The following AGBL1 variants were observed in gnomAD, a reference collection of about 807,000 sequenced individuals.
AGBL1 encodes the protein cytosolic carboxypeptidase 4.
A neutral mutation model predicts 118.9 loss-of-function variants in AGBL1; 130 were observed. The observed-to-expected ratio is 1.09, with a 90% CI of 0.95 to 1.26. The LOEUF is 1.26. AGBL1 is among the 50% of genes most tolerant of loss of function. The pLI is 0.00. For missense variants in AGBL1, 1,584 were observed against 1,298.1 expected, an observed-to-expected ratio of 1.22 and a Z score of -3.38; for synonymous variants, 555 against 478.9, an observed-to-expected ratio of 1.16 and a Z score of -2.08.
At chr15:86,317,596 T>C (rs1171104824) in intron 17 of AGBL1, among the ~76,000 whole-genome samples, 1 of 152,188 alleles carries the variant, frequency 6.6e-6, no homozygotes, top group African/African-American at 2.4e-5. Context: ...GCCAGGGCTG[T>C]GAAGCAAGTC....
At chr15:86,450,378 C>G (rs2082178437) in intron 18 of AGBL1, among the ~76,000 whole-genome samples, 1 of 152,044 alleles carries the variant, frequency 6.6e-6, no homozygotes, top group Admixed American at 6.6e-5. Flanking sequence ...TATAAGGCTC[C>G]CTGGCTGGGT....
At position 86,162,001 on chromosome 15, in the gene AGBL1, A is replaced by G. The variant is rs978401780; in HGVS notation, c.488+2975A>G. On this transcript the variant is annotated intron_variant, in intron 5 of 22. Coordinates refer to ENST00000614907, the MANE Select transcript of AGBL1 (RefSeq NM_001386094.1). ...GACATTGTTAATCATTATTAATACAAATACTATGGGATGTCTGGTTGCCTG... is the reference window on the plus strand; with the variant it reads ...GACATTGTTAATCATTATTAATACAGATACTATGGGATGTCTGGTTGCCTG... 2.0e-5 allele frequency among the ~76,000 whole-genome samples: 3 copies of G among 152,202 alleles called. No homozygotes were observed. The South Asian group carries it at 6.2e-4, about 32-fold the overall frequency.
intron 18 of AGBL1, among the ~76,000 whole-genome samples, chr15:86,495,660 A>G (rs1398635055): frequency 1.3e-5 from 2 of 151,996 alleles, no homozygotes; most frequent in Non-Finnish European, 2.9e-5. Flanking sequence ...TTTTGATTAA[A>G]CAACCTGGTC....
intron 21 of AGBL1, among the ~76,000 whole-genome samples, chr15:86,591,718 CT>C (rs1345895083): frequency 6.6e-6 from 1 of 152,140 alleles, no homozygotes; most frequent in African/African-American, 2.4e-5. Context: ...AAATCCTATC[CT>C]CTTGGGTTTT....
At chr15:86,205,954 T>C (rs1597548691) in intron 5 of AGBL1, among the ~76,000 whole-genome samples, 1 of 152,158 alleles carries the variant, frequency 6.6e-6, no homozygotes, top group Non-Finnish European at 1.5e-5. Flanking sequence ...CATTAGGTAT[T>C]TCTCCTAATG....
chr15:87,025,452 A>G (rs556839362), intron 24 of AGBL1, among the ~76,000 whole-genome samples: 2 of 152,234 alleles, frequency 1.3e-5, no homozygotes, highest in Admixed American at 6.5e-5. Flanking sequence ...AGGAAGTGAA[A>G]GACCTCTGCA....
chr15:86,890,870 A>G (rs376439113), intron 22 of AGBL1, among the ~76,000 whole-genome samples: 1 of 152,120 alleles, frequency 6.6e-6, no homozygotes, highest in South Asian at 2.1e-4. Context: ...TTTGCTATGC[A>G]GGCTCTTTTT....
At chr15:86,521,217 A>C (rs968383114) in intron 18 of AGBL1, among the ~76,000 whole-genome samples, 3 of 152,242 alleles carry the variant, frequency 2.0e-5, no homozygotes, top group Non-Finnish European at 4.4e-5. Context: ...GAAATGAATA[A>C]GTGGTAAAAG....
chr15:86,804,549 C>T (rs1218566089), intron 22 of AGBL1, among the ~76,000 whole-genome samples: 9 of 152,202 alleles, frequency 5.9e-5, no homozygotes, highest in Admixed American at 2.0e-4. Context: ...TGGAAGGAAG[C>T]GAAGCCAAAT....
chr15:86,487,750 C>T (rs1323660602), intron 18 of AGBL1, among the ~76,000 whole-genome samples: 4 of 152,020 alleles, frequency 2.6e-5, no homozygotes, highest in Non-Finnish European at 5.9e-5. Flanking sequence ...AACAACGCTG[C>T]ACTGAATGTT....
chr15:86,885,122 T>A (rs906244813), intron 22 of AGBL1, among the ~76,000 whole-genome samples: 3 of 43,618 alleles, frequency 6.9e-5, no homozygotes, highest in Admixed American at 6.4e-4. Context: ...TAAAATAACT[T>A]TACATACATA....
At chr15:87,015,315 G>A (rs972728546) in intron 24 of AGBL1, among the ~76,000 whole-genome samples, 8 of 152,058 alleles carry the variant, frequency 5.3e-5, no homozygotes, top group Non-Finnish European at 8.8e-5. Flanking sequence ...CATAATCATG[G>A]AAGCCAATTC....
At chr15:87,020,795 T>A (rs2081656736) in intron 24 of AGBL1, among the ~76,000 whole-genome samples, 2 of 152,080 alleles carry the variant, frequency 1.3e-5, no homozygotes, top group South Asian at 4.1e-4. Flanking sequence ...TAACAAGGGA[T>A]GTGCAGGACT....
intron 21 of AGBL1, among the ~76,000 whole-genome samples, chr15:86,634,432 G>A (rs546720098): frequency 4.6e-5 from 7 of 152,088 alleles, no homozygotes; most frequent in Admixed American, 6.6e-5. Context: ...AAAACATTGC[G>A]CTAAGTGAAA....
At chr15:86,231,348 C>G (rs959698629) in intron 6 of AGBL1, among the ~76,000 whole-genome samples, 8 of 152,196 alleles carry the variant, frequency 5.3e-5, no homozygotes, top group African/African-American at 1.9e-4. Context: ...AGAGTCCAGC[C>G]TAATTCCCGT....
chr15:86,496,432 T>C (rs539750777), intron 18 of AGBL1, among the ~76,000 whole-genome samples: 260 of 152,140 alleles, frequency 1.7e-3, no homozygotes, highest in African/African-American at 6.1e-3. Context: ...TGATAATCTG[T>C]TTTAAGTATG....
chr15:86,687,379 A>T (rs1038738331), intron 22 of AGBL1, among the ~76,000 whole-genome samples: 2 of 152,082 alleles, frequency 1.3e-5, no homozygotes, highest in African/African-American at 4.8e-5. Flanking sequence ...CCTGAAAGCT[A>T]ATTAGACCCT....
intron 18 of AGBL1, among the ~76,000 whole-genome samples, chr15:86,503,469 T>A (rs2082939654): frequency 6.6e-6 from 1 of 151,122 alleles, no homozygotes; most frequent in African/African-American, 2.4e-5. Context: ...TTCTTCTGCT[T>A]GCTTCAGGTT....
intron 22 of AGBL1, among the ~76,000 whole-genome samples, chr15:86,769,104 T>C (rs2078135838): frequency 6.7e-6 from 1 of 150,080 alleles, no homozygotes; most frequent in African/African-American, 2.5e-5. Flanking sequence ...ATGGGACCTG[T>C]ACATGCAATG....
Sources: gnomAD v4.1 joint callset for allele counts (sites outside exome capture counted in the v4.1 genomes callset) on GRCh38, gnomAD v4.1.1 for gene constraint, MANE v1.5 for transcripts, NCBI Gene and HGNC (gene_info 2026-07-23, HGNC 2026-07-21) for gene names.